The following MGAT4C variants were observed in gnomAD, a reference collection of about 807,000 sequenced individuals.
MGAT4C encodes the protein MGAT4 family member C, also known as alpha-1,3-mannosyl-glycoprotein 4-beta-N-acetylglucosaminyltransferase C.
Under a neutral mutation model 40.1 loss-of-function variants are expected in MGAT4C, and 19 were observed. That is an observed-to-expected ratio of 0.47 (90% CI 0.33 to 0.70). The LOEUF (loss-of-function observed/expected upper bound fraction) is 0.70, where lower values mean the gene tolerates loss of function less well. MGAT4C is among the 30% of genes least tolerant of loss of function. MGAT4C has a pLI of 0.02. For synonymous variants in MGAT4C, 181 were observed against 187.1 expected (o/e 0.97, Z 0.27); for missense variants, 491 against 563.2 (o/e 0.87, Z 1.30).
At chr12:86,095,649 C>A (rs1440528508) in intron 1 of MGAT4C, among the ~76,000 whole-genome samples, 1 of 138,448 alleles carries the variant, frequency 7.2e-6, no homozygotes, top group African/African-American at 2.7e-5. Context: ...TTTTTTTTTT[C>A]CTTCTTGTAA....
intron 2 of MGAT4C, among the ~76,000 whole-genome samples, chr12:86,661,239 TA>T (rs142384011): frequency 1.3e-5 from 2 of 151,354 alleles, no homozygotes; most frequent in African/African-American, 2.4e-5. Flanking sequence ...AAAATCAGTA[TA>T]AAAAAGATTA....
At chr12:86,816,247 A>G (rs554778937) in intron 1 of MGAT4C, among the ~76,000 whole-genome samples, 16 of 151,776 alleles carry the variant, frequency 1.1e-4, no homozygotes, top group South Asian at 4.1e-4. Context: ...CAAGGAATAT[A>G]TTTTTATGTT....
intron 1 of MGAT4C, among the ~76,000 whole-genome samples, chr12:86,744,506 T>C (rs367889279): frequency 6.6e-6 from 1 of 151,466 alleles, no homozygotes; most frequent in Non-Finnish European, 1.5e-5. Flanking sequence ...TTTTGGTTCA[T>C]CTAAAACTCC....
At chr12:86,342,174 C>T (rs1246713628) in intron 3 of MGAT4C, among the ~76,000 whole-genome samples, 12 of 152,154 alleles carry the variant, frequency 7.9e-5, no homozygotes, top group Admixed American at 7.9e-4. Flanking sequence ...ATCATCTTTG[C>T]TGTTTTGCAA....
At chr12:86,799,287 A>C (rs1400670401) in intron 1 of MGAT4C, among the ~76,000 whole-genome samples, 1 of 151,720 alleles carries the variant, frequency 6.6e-6, no homozygotes, top group Non-Finnish European at 1.5e-5. Context: ...TTTCTTAATT[A>C]GTTAAGGCAT....
chr12:86,114,429 A>G (rs897378603), intron 1 of MGAT4C, among the ~76,000 whole-genome samples: 1 of 151,918 alleles, frequency 6.6e-6, no homozygotes, highest in African/African-American at 2.4e-5. Flanking sequence ...ATGCAACATG[A>G]CATTTATTAA....
intron 4 of MGAT4C, among the ~76,000 whole-genome samples, chr12:86,289,198 T>C (rs1268019091): frequency 6.6e-6 from 1 of 152,198 alleles, no homozygotes; most frequent in Non-Finnish European, 1.5e-5. Context: ...GTCAACTTTG[T>C]TGAAGACTAG....
rs1373689028 is a variant in MGAT4C at position 86,266,427 on chromosome 12, A to G, written c.-57+67638T>C. 2.6e-5 allele frequency among the ~76,000 whole-genome samples: 4 copies of G among 152,184 alleles called. No individual in the cohort carries two copies. The East Asian group carries it at 7.7e-4, about 29-fold the overall frequency. On this transcript the variant is annotated intron_variant, in intron 4 of 7. Transcript: ENST00000548651. ...TTTTTGTCCTTCATTCTGTTTATATACTGTATCATATTTACTGGTCAGCAT... is the reference window on the plus strand; with the variant it reads ...TTTTTGTCCTTCATTCTGTTTATATGCTGTATCATATTTACTGGTCAGCAT...
At chr12:86,099,417 T>C (rs1775413763) in intron 1 of MGAT4C, among the ~76,000 whole-genome samples, 1 of 151,072 alleles carries the variant, frequency 6.6e-6, no homozygotes, top group Non-Finnish European at 1.5e-5. Context: ...TCTTTCTTTT[T>C]CTTTTTCTTT....
intron 2 of MGAT4C, among the ~76,000 whole-genome samples, chr12:86,558,046 G>A (rs1435693172): frequency 6.6e-6 from 1 of 151,534 alleles, no homozygotes; most frequent in Non-Finnish European, 1.5e-5. Flanking sequence ...TAGAAATCCT[G>A]GAAATTAAGA....
chr12:86,220,960 T>C (rs1254831309), intron 1 of MGAT4C, among the ~76,000 whole-genome samples: 2 of 152,300 alleles, frequency 1.3e-5, no homozygotes, highest in Middle Eastern at 6.8e-3. Flanking sequence ...AGGCTACAGA[T>C]GCCCAACAAA....
intron 4 of MGAT4C, among the ~76,000 whole-genome samples, chr12:86,289,734 C>T (rs982100109): frequency 6.6e-6 from 1 of 152,094 alleles, no homozygotes; most frequent in Non-Finnish European, 1.5e-5. Flanking sequence ...ACAAATGCTA[C>T]TAATTTTTGT....
intron 1 of MGAT4C, among the ~76,000 whole-genome samples, chr12:86,795,376 G>C (rs565047298): frequency 1.3e-5 from 2 of 151,914 alleles, no homozygotes; most frequent in Non-Finnish European, 2.9e-5. Flanking sequence ...TGACTTTCCA[G>C]TATTTCTGCC....
chr12:86,105,009 C>T (rs1469613235), intron 1 of MGAT4C, among the ~76,000 whole-genome samples: 2 of 152,044 alleles, frequency 1.3e-5, no homozygotes, highest in African/African-American at 4.8e-5. Flanking sequence ...CACAGATGGA[C>T]TTAATTACAA....
At chr12:86,282,630 T>C (rs141900838) in intron 4 of MGAT4C, among the ~76,000 whole-genome samples, 4 of 152,258 alleles carry the variant, frequency 2.6e-5, no homozygotes, top group African/African-American at 9.6e-5. Flanking sequence ...TATTACATAT[T>C]GTGGATATTA....
chr12:86,781,934 CTAACT>C (rs139844005), intron 1 of MGAT4C, among the ~76,000 whole-genome samples: 109,430 of 151,268 alleles, frequency 0.72, 41,599 homozygotes, highest in South Asian at 0.85. Flanking sequence ...TCTATTTTAC[CTAACT>C]TAATTTTGAA....
chr12:86,580,705 C>T (rs576799911), intron 2 of MGAT4C, among the ~76,000 whole-genome samples: 10 of 151,532 alleles, frequency 6.6e-5, no homozygotes, highest in African/African-American at 2.4e-4. Context: ...TTCTTCATAG[C>T]CTTATTTTCG....
intron 1 of MGAT4C, among the ~76,000 whole-genome samples, chr12:86,172,745 T>C (rs1886986533): frequency 6.6e-6 from 1 of 152,118 alleles, no homozygotes; most frequent in Non-Finnish European, 1.5e-5. Context: ...ATTATGTTTT[T>C]TAATGATTAG....
rs150474124 is a variant in MGAT4C, at chr12:86,074,505, G to A, written c.-56-24782C>T. Reference sequence around the variant, plus strand: ...CATATTTTTATAGAAGTGAGTGCAAGTATAATGACACTCTATGTAAAACTC... The same window carrying A: ...CATATTTTTATAGAAGTGAGTGCAAATATAATGACACTCTATGTAAAACTC... On this transcript the variant is annotated intron_variant, in intron 1 of 4. Transcript: ENST00000611864. 7.4e-3 allele frequency among the ~76,000 whole-genome samples: 1,131 copies of A among 152,244 alleles called. 9 individuals are homozygous for A. The highest frequency in any genetic ancestry group is 0.011 in the Non-Finnish European group (769 of 68,016).
Sources: allele counts gnomAD v4.1 joint callset (sites outside exome capture counted in the v4.1 genomes callset), GRCh38; gene constraint gnomAD v4.1.1; transcripts MANE v1.5; gene names NCBI Gene and HGNC (gene_info 2026-07-23, HGNC 2026-07-21).